Variants in ZNF277 observed in about 807,000 individuals in gnomAD.
The protein encoded by ZNF277 is zinc finger protein 277, also known as nuclear receptor-interacting factor 4.
ZNF277 carries 55 observed loss-of-function variants against 60.7 expected under a neutral mutation model. That is an observed-to-expected ratio of 0.91 (90% CI 0.73 to 1.13). ZNF277 has a LOEUF of 1.13. Ranked by LOEUF, ZNF277 falls within the 50% of genes most tolerant of loss-of-function variation. The pLI, the probability that ZNF277 is intolerant of heterozygous loss-of-function variation, is 0.00. For missense variants in ZNF277, 510 were observed against 523.0 expected (o/e 0.98, Z 0.24); for synonymous variants, 178 against 179.3 (o/e 0.99, Z 0.06).
At chr7:112,240,616 AT>A (rs1352058325) in intron 1 of ZNF277, among the ~76,000 whole-genome samples, 1 of 152,194 alleles carries the variant, frequency 6.6e-6, no homozygotes, top group Non-Finnish European at 1.5e-5. Flanking sequence ...CCAAAACAGT[AT>A]GGTACTGGCA....
chr7:112,279,956 G>A (rs770747597), intron 1 of ZNF277, among the ~76,000 whole-genome samples: 1 of 152,132 alleles, frequency 6.6e-6, no homozygotes, highest in Non-Finnish European at 1.5e-5. Context: ...AGGGGATGCA[G>A]GAGAGATGGG....
intron 1 of ZNF277, among the ~76,000 whole-genome samples, chr7:112,256,888 C>T (rs1232838347): frequency 1.3e-5 from 2 of 152,162 alleles, no homozygotes; most frequent in African/African-American, 2.4e-5. Context: ...TTTGCATTTT[C>T]ATACCCGTCC....
intron 1 of ZNF277, among the ~76,000 whole-genome samples, chr7:112,263,235 T>A (rs1391526406): frequency 2.0e-5 from 3 of 152,160 alleles, no homozygotes; most frequent in Non-Finnish European, 4.4e-5. Context: ...TAGTAGAGGT[T>A]AGGGACTGGC....
At chr7:112,283,232 A>G (rs560354348) in intron 1 of ZNF277, among the ~76,000 whole-genome samples, 1 of 152,324 alleles carries the variant, frequency 6.6e-6, no homozygotes, top group Admixed American at 6.5e-5. Context: ...ATGTTATATT[A>G]AAACTTATTT....
At chr7:112,332,415 C>G (rs1448353922) in intron 7 of ZNF277, among the ~76,000 whole-genome samples, 1 of 152,150 alleles carries the variant, frequency 6.6e-6, no homozygotes, top group East Asian at 1.9e-4. Flanking sequence ...GTTACTTATC[C>G]TGTGCATCAG....
intron 1 of ZNF277, among the ~76,000 whole-genome samples, chr7:112,233,607 T>C (rs1254493254): frequency 1.3e-5 from 2 of 152,216 alleles, no homozygotes; most frequent in Non-Finnish European, 2.9e-5. Flanking sequence ...TTACCAGCAA[T>C]ATTGGCAGTG....
At chr7:112,239,329 G>A (rs1319668826) in intron 1 of ZNF277, among the ~76,000 whole-genome samples, 1 of 151,974 alleles carries the variant, frequency 6.6e-6, no homozygotes, top group African/African-American at 2.4e-5. Flanking sequence ...CGCCCTGAAG[G>A]GAAGGACACA....
At chr7:112,310,124 T>A (rs1792687552) in intron 4 of ZNF277, among the ~76,000 whole-genome samples, 2 of 152,034 alleles carry the variant, frequency 1.3e-5, no homozygotes, top group Admixed American at 6.6e-5. Context: ...TTGAGCTTGA[T>A]CTCCAGCTCC....
chr7:112,250,440 G>A (rs903939583), intron 1 of ZNF277, among the ~76,000 whole-genome samples: 2 of 152,112 alleles, frequency 1.3e-5, no homozygotes, highest in African/African-American at 4.8e-5. Flanking sequence ...AGTACTTGAT[G>A]TCTGTGACCC....
intron 1 of ZNF277, among the ~76,000 whole-genome samples, chr7:112,278,737 A>T (rs1262368335): frequency 6.6e-6 from 1 of 152,156 alleles, no homozygotes; most frequent in African/African-American, 2.4e-5. Flanking sequence ...TCCATTTTTT[A>T]AAATTATGGT....
intron 1 of ZNF277, among the ~76,000 whole-genome samples, chr7:112,228,771 C>A (rs919768671): frequency 1.1e-4 from 16 of 151,906 alleles, no homozygotes; most frequent in Non-Finnish European, 2.4e-4. Context: ...GCATACAACC[C>A]CTGAAATTTG....
chr7:112,305,597 C>G (rs540488079), intron 4 of ZNF277, among the ~76,000 whole-genome samples: 30 of 150,778 alleles, frequency 2.0e-4, no homozygotes, highest in African/African-American at 7.1e-4. Context: ...TTTTAATGAG[C>G]CTTTAGGAAG....
intron 1 of ZNF277, among the ~76,000 whole-genome samples, chr7:112,268,138 G>A (rs375936181): frequency 6.6e-5 from 10 of 152,174 alleles, no homozygotes; most frequent in African/African-American, 2.4e-4. Flanking sequence ...CTAGTGTCCA[G>A]AGAAAGTGAC....
chr7:112,327,538 G>A (rs759846892), intron 5 of ZNF277, among the ~76,000 whole-genome samples, 179 bp from the exon 6 acceptor site: 7 of 152,194 alleles, frequency 4.6e-5, no homozygotes, highest in Non-Finnish European at 8.8e-5. Context: ...CAGAACTGAT[G>A]TGACTGTGTA....
intron 1 of ZNF277, among the ~76,000 whole-genome samples, chr7:112,259,414 G>A (rs1791394112): frequency 6.6e-6 from 1 of 152,052 alleles, no homozygotes; most frequent in African/African-American, 2.4e-5. Context: ...AAATTACGTA[G>A]TAGTAGAGTG....
intron 1 of ZNF277, among the ~76,000 whole-genome samples, chr7:112,240,549 T>A (rs1263852892): frequency 6.6e-6 from 1 of 152,164 alleles, no homozygotes; most frequent in Non-Finnish European, 1.5e-5. Flanking sequence ...ACACATACTA[T>A]GTACCCACAA....
rs1234948831 is a variant in ZNF277, at chr7:112,336,167, G to A, written c.865G>A (p.Glu289Lys). Residue 289 changes from glutamate (E) to lysine (K), a missense_variant, in exon 8 of 12, where the codon GAA becomes AAA. Coordinates refer to ENST00000361822, the MANE Select transcript of ZNF277 (RefSeq NM_021994.3). ...EDDRELLDHQEDDWSDWEEHP... is the reference protein window; with the variant it reads ...EDDRELLDHQKDDWSDWEEHP... ...TGATCGGGAGTTGCTGGACCATCAG[G>A]AAGAGTAAGAGTTGTTATTGCTGCT... 6.2e-7 allele frequency: 1 copy of A among 1,610,464 alleles called. No individual in the cohort carries two copies. Among genetic ancestry groups the A allele is most frequent in the Admixed American group, 1.7e-5 (1 of 59,626 alleles).
intron 1 of ZNF277, among the ~76,000 whole-genome samples, chr7:112,223,426 T>C (rs1161982188): frequency 6.6e-6 from 1 of 152,222 alleles, no homozygotes; most frequent in African/African-American, 2.4e-5. Flanking sequence ...TCAACAGGTC[T>C]GTCTCCCTAG....
rs987402504 is a variant in ZNF277 at position 112,343,234 on chromosome 7, C to A, written c.*505C>A. The A allele has an allele frequency of 6.6e-6, 1 of 152,166 alleles. No homozygotes were observed. Among genetic ancestry groups the A allele is most frequent in the South Asian group, 2.1e-4 (1 of 4,828 alleles). The allele number at this position is 152,166 out of a possible 1,614,324, so 9.4% of individuals were successfully genotyped here. A position where few individuals can be genotyped will look rare whatever the true frequency, so the allele number is the denominator to read the frequency against. ...AGAAGAAAGAAGAAATGGTCAAAGA[C>A]GTGGATAATATGCAAATTGGCCATT... On this transcript the variant is annotated 3_prime_UTR_variant, in exon 12 of 12. Transcript: ENST00000361822.
Sources: gnomAD v4.1 joint callset for allele counts (sites outside exome capture counted in the v4.1 genomes callset) on GRCh38, gnomAD v4.1.1 for gene constraint, MANE v1.5 for transcripts, NCBI Gene and HGNC (gene_info 2026-07-23, HGNC 2026-07-21) for gene names.